FARP1: variants seen among roughly 807,000 people sequenced by gnomAD.
The protein encoded by FARP1 is FERM, ARH/RhoGEF and pleckstrin domain protein 1.
In FARP1, 52 loss-of-function variants were observed where a neutral mutation model predicts 128.8. The observed-to-expected ratio is 0.40, with a 90% confidence interval of 0.32 to 0.51. The LOEUF is 0.51. Ranked by LOEUF, FARP1 falls within the 20% of genes least tolerant of loss-of-function variation. The pLI, the probability that FARP1 is intolerant of heterozygous loss-of-function variation, is 0.45. For synonymous variants in FARP1, 580 were observed against 551.8 expected (o/e 1.05, Z -0.72); for missense variants, 1,333 against 1,367.9 (o/e 0.97, Z 0.40).
At chr13:98,213,512 C>T in intron 2 of FARP1, 99 bp downstream of exon 2, 3 of 1,262,324 alleles carry the variant, frequency 2.4e-6, no homozygotes, top group South Asian at 1.5e-5. Flanking sequence ...CATGAGGCGG[C>T]TGGAGGTCCT....
At chr13:98,222,692 G>A (rs1881489370) in intron 2 of FARP1, among the ~76,000 whole-genome samples, 1 of 151,372 alleles carries the variant, frequency 6.6e-6, no homozygotes, top group African/African-American at 2.4e-5. Context: ...AATGATCTCC[G>A]CTCACTGCAA....
At chr13:98,430,495 C>T (rs1303593597) in intron 17 of FARP1, among the ~76,000 whole-genome samples, 2 of 152,186 alleles carry the variant, frequency 1.3e-5, no homozygotes, top group East Asian at 3.9e-4. Flanking sequence ...TGTCCCCATC[C>T]CCACCATGAC....
At chr13:98,389,907 G>T (rs1243411195) in intron 9 of FARP1, 50 bp from the exon 10 acceptor site, 1 of 1,566,224 alleles carries the variant, frequency 6.4e-7, no homozygotes, top group Admixed American at 1.7e-5. Context: ...TATTTCAGTG[G>T]TGTATCTATG....
At chr13:98,196,224 C>T (rs951745090) in intron 1 of FARP1, among the ~76,000 whole-genome samples, 10 of 151,972 alleles carry the variant, frequency 6.6e-5, no homozygotes, top group African/African-American at 2.4e-4. Flanking sequence ...ATCATAAAGT[C>T]GCTGGATGGT....
intron 2 of FARP1, among the ~76,000 whole-genome samples, chr13:98,296,740 A>G (rs1159839548): frequency 1.5e-5 from 2 of 133,814 alleles, no homozygotes; most frequent in African/African-American, 5.7e-5. Flanking sequence ...CTGCCAGGCT[A>G]GAGTGCAGTG....
At chr13:98,435,498 G>T in intron 18 of FARP1, 78 bp from the exon 19 acceptor site, 1 of 1,463,698 alleles carries the variant, frequency 6.8e-7, no homozygotes, top group Non-Finnish European at 9.3e-7. Context: ...TTTCCCTGCA[G>T]CGTTGAGCTG....
Position 98,422,467 on chromosome 13 carries a change from G to A in FARP1, c.1827-2105G>A, listed in dbSNP as rs1489811217. Reference sequence around the variant, plus strand: ...CAGGTTGAAGACCACCAGCACACAGGGCAGCAACGAAGACCCAGGAAGGAG... The same window carrying A: ...CAGGTTGAAGACCACCAGCACACAGAGCAGCAACGAAGACCCAGGAAGGAG... On this transcript the variant is annotated intron_variant, in intron 16 of 26. Transcript: ENST00000319562. Among the ~76,000 whole-genome samples the A allele has an allele frequency of 2.6e-5, 4 of 152,144 alleles. No homozygotes were observed. In the East Asian group the frequency reaches 7.7e-4, roughly 29 times the overall value.
At chr13:98,410,997 A>G (rs1476238691) in intron 15 of FARP1, among the ~76,000 whole-genome samples, 174 bp downstream of exon 15, 1 of 152,214 alleles carries the variant, frequency 6.6e-6, no homozygotes, top group Non-Finnish European at 1.5e-5. Flanking sequence ...TTGGGAATAT[A>G]TGCTATAACA....
intron 1 of FARP1, among the ~76,000 whole-genome samples, chr13:98,163,532 A>G (rs1225853464): frequency 2.0e-5 from 3 of 147,138 alleles, no homozygotes; most frequent in Non-Finnish European, 1.5e-5. Context: ...TCAAATCCTT[A>G]TTTGTTGGTG....
chr13:98,150,029 G>A (rs537057188), intron 1 of FARP1, among the ~76,000 whole-genome samples: 56 of 150,544 alleles, frequency 3.7e-4, no homozygotes, highest in Admixed American at 3.5e-3. Flanking sequence ...GAGCCACCGC[G>A]CCCGGCCAAA....
intron 2 of FARP1, among the ~76,000 whole-genome samples, chr13:98,215,327 A>G (rs979519699): frequency 6.6e-6 from 1 of 152,174 alleles, no homozygotes; most frequent in Non-Finnish European, 1.5e-5. Context: ...AAGCCCTATC[A>G]GTTTTACCTG....
At chr13:98,429,910 G>GTGTA (rs1238192111) in intron 17 of FARP1, among the ~76,000 whole-genome samples, 2 of 152,116 alleles carry the variant, frequency 1.3e-5, no homozygotes, top group Admixed American at 6.5e-5. Flanking sequence ...CTATAGACAT[G>GTGTA]TATACAAATA....
chr13:98,451,322 A>C lies in FARP1; in HGVS notation c.*3005A>C, dbSNP rs1253584309. On this transcript the variant is annotated 3_prime_UTR_variant, in exon 27 of 27. Transcript: ENST00000319562. The stretch of plus-strand genomic sequence containing the variant: ...CACGTAAGGAAACAGTTCCCCACAC[A>C]GAATACTCCCTGGAAACACAAAATG... The C allele has an allele frequency of 6.6e-6, 1 of 152,226 alleles. No individual in the cohort carries two copies. Among genetic ancestry groups the C allele is most frequent in the Admixed American group, 6.5e-5 (1 of 15,286 alleles). 9.4% of individuals were successfully genotyped at this position (152,226 alleles called of 1,614,324 possible).
chr13:98,199,499 A>T (rs970431761), intron 1 of FARP1, among the ~76,000 whole-genome samples: 3 of 152,170 alleles, frequency 2.0e-5, no homozygotes, highest in African/African-American at 7.2e-5. Flanking sequence ...GATCTCGATT[A>T]TGGTGACACT....
intron 1 of FARP1, among the ~76,000 whole-genome samples, chr13:98,166,627 A>C (rs1046068011): frequency 3.3e-5 from 5 of 152,046 alleles, no homozygotes; most frequent in African/African-American, 4.8e-5. Flanking sequence ...GCTCTTAATC[A>C]CTGTGTTGAG....
chr13:98,422,636 A>G (rs1341794191), intron 16 of FARP1, among the ~76,000 whole-genome samples: 4 of 152,164 alleles, frequency 2.6e-5, no homozygotes, highest in Non-Finnish European at 5.9e-5. Flanking sequence ...AATGCTGTTG[A>G]TTGCCTGGAA....
chr13:98,366,054 G>A (rs1029648626), intron 4 of FARP1, among the ~76,000 whole-genome samples: 1 of 152,120 alleles, frequency 6.6e-6, no homozygotes, highest in Non-Finnish European at 1.5e-5. Flanking sequence ...CTCTTCTTGT[G>A]TCTTCCCCTC....
chr13:98,192,786 AC>A (rs1212750238), intron 1 of FARP1, among the ~76,000 whole-genome samples: 1 of 152,220 alleles, frequency 6.6e-6, no homozygotes, highest in Non-Finnish European at 1.5e-5. Flanking sequence ...TTTTAAATTG[AC>A]CAGAAAAGTG....
intron 2 of FARP1, among the ~76,000 whole-genome samples, chr13:98,215,583 A>G (rs1881010498): frequency 6.6e-6 from 1 of 152,238 alleles, no homozygotes; most frequent in East Asian, 1.9e-4. Context: ...CTTGACATGT[A>G]GTAAGAGCTT....
Sources: gnomAD v4.1 joint callset for allele counts (sites outside exome capture counted in the v4.1 genomes callset) on GRCh38, gnomAD v4.1.1 for gene constraint, MANE v1.5 for transcripts, NCBI Gene and HGNC (gene_info 2026-07-23, HGNC 2026-07-21) for gene names.